The following QRSL1 variants were observed in gnomAD, a reference collection of about 807,000 sequenced individuals.
QRSL1 encodes glutaminyl-tRNA amidotransferase subunit QRSL1, also known as glutamyl-tRNA(Gln) amidotransferase subunit A, mitochondrial.
QRSL1 carries 54 observed loss-of-function variants against 61.6 expected under a neutral mutation model. That is an observed-to-expected ratio of 0.88 (90% CI 0.70 to 1.10). The LOEUF is 1.10. Ranked by LOEUF, QRSL1 falls within the 50% of genes least tolerant of loss-of-function variation. The probability of loss-of-function intolerance (pLI) is 0.00; values close to 1 mark genes in which losing one functional copy is unlikely to be tolerated. For missense variants in QRSL1, 505 were observed against 622.6 expected (o/e 0.81, Z 2.01); for synonymous variants, 228 against 225.7 (o/e 1.01, Z -0.09).
chr6:106,642,106 G>C (rs891666259), intron 3 of QRSL1, among the ~76,000 whole-genome samples: 1 of 152,198 alleles, frequency 6.6e-6, no homozygotes, highest in Non-Finnish European at 1.5e-5. Flanking sequence ...ACCCAGAGTG[G>C]AGTGCAGTGG....
At chr6:106,629,841 A>C (rs1582400855) in intron 1 of QRSL1, 136 bp downstream of exon 1, 1 of 1,063,752 alleles carries the variant, frequency 9.4e-7, no homozygotes, top group Non-Finnish European at 1.4e-6. Context: ...GGGGATAAGT[A>C]CCTTTCGATT....
At chr6:106,634,818 C>T (rs1030699964) in intron 1 of QRSL1, among the ~76,000 whole-genome samples, 1 of 150,786 alleles carries the variant, frequency 6.6e-6, no homozygotes, top group Non-Finnish European at 1.5e-5. Flanking sequence ...GTTGCATTGG[C>T]GAGATAATGG....
Position 106,649,189 on chromosome 6 carries a change from T to G in QRSL1, c.545T>G (p.Phe182Cys). 1 of 1,614,080 alleles carries G rather than the reference T, an allele frequency of 6.2e-7. No homozygotes were observed. The highest frequency in any genetic ancestry group is 8.5e-7 in the Non-Finnish European group (1 of 1,179,994). ...SGGSAAAVSA[F>C]TCYAALGSDT... Reference sequence around the variant, plus strand: ...GGGAGTGCAGCTGCTGTATCGGCGTTCACATGCTACGCGTAAGATGCTTTT... The same window carrying G: ...GGGAGTGCAGCTGCTGTATCGGCGTGCACATGCTACGCGTAAGATGCTTTT... The change falls in exon 5 of 11, where the codon TTC becomes TGC. Residue 182 changes from phenylalanine to cysteine, a missense_variant. Phe to Cys is a radical substitution (Grantham distance 205). Transcript: ENST00000369046.
At chr6:106,637,471 A>G (rs1469456130) in intron 1 of QRSL1, among the ~76,000 whole-genome samples, 1 of 150,878 alleles carries the variant, frequency 6.6e-6, no homozygotes, top group East Asian at 1.9e-4. Context: ...AATGAAAAGT[A>G]GTACCAGGAA....
chr6:106,636,166 A>G (rs749389565), intron 1 of QRSL1, among the ~76,000 whole-genome samples: 3 of 152,134 alleles, frequency 2.0e-5, no homozygotes, highest in Non-Finnish European at 4.4e-5. Context: ...TAGTGCACAT[A>G]GAGTACTCCA....
At chr6:106,657,574 A>C (rs1342995800) in intron 9 of QRSL1, among the ~76,000 whole-genome samples, 1 of 152,178 alleles carries the variant, frequency 6.6e-6, no homozygotes, top group East Asian at 1.9e-4. Flanking sequence ...AAGGAAGTTA[A>C]AATTACTGCT....
intron 4 of QRSL1, 77 bp from the exon 5 acceptor site, chr6:106,648,948 A>G: frequency 6.9e-7 from 1 of 1,456,120 alleles, no homozygotes. Flanking sequence ...GTCAGAAGCA[A>G]ATAATATACT....
chr6:106,663,685 C>T (rs1020700457), intron 10 of QRSL1, among the ~76,000 whole-genome samples: 3 of 152,308 alleles, frequency 2.0e-5, no homozygotes, highest in South Asian at 4.1e-4. Context: ...TAGGCCCCAC[C>T]TTCAACATTG....
intron 4 of QRSL1, among the ~76,000 whole-genome samples, chr6:106,645,381 T>A (rs745499165): frequency 1.3e-5 from 2 of 152,172 alleles, no homozygotes; most frequent in African/African-American, 2.4e-5. Context: ...TTCCTGCATA[T>A]AAATTGTACA....
chr6:106,646,136 G>A (rs1353861399), intron 4 of QRSL1, among the ~76,000 whole-genome samples: 1 of 152,184 alleles, frequency 6.6e-6, no homozygotes, highest in East Asian at 1.9e-4. Context: ...AAGAGTCCTT[G>A]CGTGTATAGT....
intron 9 of QRSL1, among the ~76,000 whole-genome samples, chr6:106,662,229 T>C (rs1777368367): frequency 6.6e-6 from 1 of 152,202 alleles, no homozygotes. Flanking sequence ...CCGCTGTCTA[T>C]CTTAGTAACC....
chr6:106,629,851 T>A, intron 1 of QRSL1, 146 bp downstream of exon 1: 1 of 972,770 alleles, frequency 1.0e-6, no homozygotes, highest in Non-Finnish European at 1.5e-6. Context: ...ACCTTTCGAT[T>A]CTTCGGGTGT....
At chr6:106,655,067 T>C in intron 8 of QRSL1, 145 bp downstream of exon 8, 1 of 779,150 alleles carries the variant, frequency 1.3e-6, no homozygotes, top group Non-Finnish European at 2.1e-6. Context: ...CTTTGTCATT[T>C]TAGACTTGTA....
At chr6:106,639,111 G>GTGTTTTTTT (rs1776967983) in intron 1 of QRSL1, among the ~76,000 whole-genome samples, 5 of 60,754 alleles carry the variant, frequency 8.2e-5, no homozygotes, top group African/African-American at 3.4e-4. Flanking sequence ...TTATTTGTGT[G>GTGTTTTTTT]TTTTGTTGTT....
chr6:106,637,222 G>A (rs1430005377), intron 1 of QRSL1, among the ~76,000 whole-genome samples: 1 of 152,210 alleles, frequency 6.6e-6, no homozygotes, highest in Non-Finnish European at 1.5e-5. Flanking sequence ...GACATGGGAT[G>A]GCTGGAGTTG....
In QRSL1 at chr6:106,633,465, G is replaced by T. The variant is rs146774588; in HGVS notation, c.24+3760G>T. Among the ~76,000 whole-genome samples, 513 of 152,236 alleles carry T rather than the reference G, an allele frequency of 3.4e-3. 5 individuals are homozygous for T. Among genetic ancestry groups the T allele is most frequent in the African/African-American group, 0.012 (481 of 41,526 alleles). On this transcript the variant is annotated intron_variant, in intron 1 of 10. Transcript: ENST00000369046. ...ATCAGTTGAAGAGGGGGAAATTTGC[G>T]GGGAATTAGGGAGAAGGGCTGGAAA...
chr6:106,661,727 G>A (rs534701525), intron 9 of QRSL1, among the ~76,000 whole-genome samples: 107 of 90,398 alleles, frequency 1.2e-3, no homozygotes, highest in African/African-American at 4.2e-3. Context: ...TTTTTGAGAC[G>A]GAGTTCCGCT....
At chr6:106,654,479 C>A (rs1245993725) in intron 7 of QRSL1, among the ~76,000 whole-genome samples, 1 of 152,118 alleles carries the variant, frequency 6.6e-6, no homozygotes, top group African/African-American at 2.4e-5. Context: ...TTTTCCCCAA[C>A]CAGATCTCCA....
At position 106,652,137 on chromosome 6, in the gene QRSL1, A is replaced by G. The variant is rs949524263; in HGVS notation, c.558-72A>G. ...GGAAAATACAGTTTAAAAATATACA[A>G]TTGAAAGGGTAGATTCCAAATATAA... On this transcript the variant is annotated intron_variant, in intron 5 of 10. Coordinates refer to ENST00000369046, the MANE Select transcript of QRSL1 (RefSeq NM_018292.5). The G allele has an allele frequency of 1.1e-4, 147 of 1,389,348 alleles. 1 individual carries two copies. Among genetic ancestry groups the G allele is most frequent in the Non-Finnish European group, 1.2e-4 (118 of 1,016,216 alleles). 86.1% of individuals were successfully genotyped at this position (1,389,348 alleles called of 1,614,324 possible).
Sources: gnomAD v4.1 joint callset for allele counts (sites outside exome capture counted in the v4.1 genomes callset) on GRCh38, gnomAD v4.1.1 for gene constraint, MANE v1.5 for transcripts, NCBI Gene and HGNC (gene_info 2026-07-23, HGNC 2026-07-21) for gene names.